The following SLC15A1 variants were observed in gnomAD, a reference collection of about 807,000 sequenced individuals.
SLC15A1 encodes Caco-2 oligopeptide transporter.
A neutral mutation model predicts 92.9 loss-of-function variants in SLC15A1; 83 were observed. That is an observed-to-expected ratio of 0.89 (90% CI 0.75 to 1.07). The LOEUF (loss-of-function observed/expected upper bound fraction) is 1.07, where lower values mean the gene tolerates loss of function less well. SLC15A1 is among the 50% of genes least tolerant of loss of function. The probability of loss-of-function intolerance (pLI) is 0.00; values close to 1 mark genes in which losing one functional copy is unlikely to be tolerated. For synonymous variants in SLC15A1, 322 were observed against 318.2 expected (o/e 1.01, Z -0.13); for missense variants, 857 against 880.1 (o/e 0.97, Z 0.33).
rs1314107165 is a variant in SLC15A1, at chr13:98,686,274, C to A, written c.1851G>T (p.Val617=). 1 of 1,612,318 alleles carries A rather than the reference C, an allele frequency of 6.2e-7. No individual in the cohort carries two copies. Among genetic ancestry groups the A allele is most frequent in the African/African-American group, 1.3e-5 (1 of 75,022 alleles). The change falls in exon 22 of 23, where the codon GTG becomes GTT. Residue 617 remains valine, a synonymous_variant. Transcript: ENST00000376503. ...YSQAPSNMKS[V]LQAGWLLTVA... is the part of the protein sequence containing the mutation. ...CGGTCAGCAGCCATCCTGCCTGAAG[C>A]ACCGACTTCATGTTGGAAGGAGCCT... is the stretch of plus-strand genomic sequence containing the variant.
Position 98,726,368 on chromosome 13 carries a change from C to T in SLC15A1, c.103G>A (p.Ala35Thr). The change falls in exon 3 of 23, where the codon GCA becomes ACA. Residue 35 changes from alanine (A) to threonine (T), a missense_variant and splice_region_variant. Ala to Thr is a moderately conservative substitution (Grantham distance 58). Transcript: ENST00000376503. ...CERFSYYGMR[A>T]ILILYFTNFI... ...GGTGAGAAACGGCCAATACAGTTAC[C>T]TCGCATTCCATAGTAGGAAAATCTT... The T allele has an allele frequency of 6.2e-7, 1 of 1,614,162 alleles. No homozygotes were observed. The highest frequency in any genetic ancestry group is 2.2e-5 in the East Asian group (1 of 44,878).
intron 18 of SLC15A1, among the ~76,000 whole-genome samples, chr13:98,694,995 G>A (rs1389217915): frequency 2.7e-5 from 4 of 147,598 alleles, no homozygotes; most frequent in Non-Finnish European, 6.0e-5. Flanking sequence ...CACTCCAACC[G>A]GGGTGACAGA....
Position 98,723,940 on chromosome 13 carries a change from C to T in SLC15A1, c.337G>A (p.Gly113Ser). Reference protein sequence around the residue: ...INDLTDHNHDGTPDSLPVHVV... With the variant: ...INDLTDHNHDSTPDSLPVHVV... ...TGCACAGGAAGGCTGTCGGGGGTGC[C>T]ATCATGGTTGTGGTCTGTGAGGTCA... Residue 113 changes from glycine to serine, a missense_variant, in exon 5 of 23, where the codon GGC becomes AGC. Physicochemically the swap from Gly to Ser is moderately conservative, Grantham distance 56. Coordinates refer to ENST00000376503, the MANE Select transcript of SLC15A1 (RefSeq NM_005073.4). 6.2e-7 allele frequency: 1 copy of T among 1,614,128 alleles called. No individual in the cohort carries two copies. The highest frequency in any genetic ancestry group is 8.5e-7 in the Non-Finnish European group (1 of 1,180,012).
At chr13:98,748,522 T>G (rs1029718842) in intron 1 of SLC15A1, among the ~76,000 whole-genome samples, 3 of 152,186 alleles carry the variant, frequency 2.0e-5, no homozygotes, top group African/African-American at 7.2e-5. Flanking sequence ...TTCAAACTCC[T>G]GAGCTCAAAT....
Position 98,702,472 on chromosome 13 carries a change from A to G in SLC15A1, c.1466+8T>C, listed in dbSNP as rs2139572976. 6.3e-7 allele frequency: 1 copy of G among 1,595,618 alleles called. No homozygotes were observed. Among genetic ancestry groups the G allele is most frequent in the Non-Finnish European group, 8.6e-7 (1 of 1,163,368 alleles). On this transcript the variant is annotated splice_region_variant and intron_variant, in intron 18 of 22. Transcript: ENST00000376503. The stretch of plus-strand genomic sequence containing the variant: ...GATAAAACTTAAATTTTAAAGAAAT[A>G]TACATACCTGATTCCATTTTCCCCT...
chr13:98,713,716 G>A (rs2088185958), intron 9 of SLC15A1, among the ~76,000 whole-genome samples: 1 of 152,150 alleles, frequency 6.6e-6, no homozygotes, highest in South Asian at 2.1e-4. Context: ...AGCAAGAGGT[G>A]AGGCTGGTGG....
In SLC15A1 at chr13:98,709,559, A is replaced by T. The variant is rs1213792721; in HGVS notation, c.1067+13T>A. ...AAGGGAGCCTCAACCAACCCAACCC[A>T]CCCGTCACCTACGTGAAATTGAAGC... is the stretch of plus-strand genomic sequence containing the variant. On this transcript the variant is annotated intron_variant, in intron 14 of 22. Transcript: ENST00000376503. 1 of 1,612,960 alleles carries T rather than the reference A, an allele frequency of 6.2e-7. No homozygotes were observed. The highest frequency in any genetic ancestry group is 1.3e-5 in the African/African-American group (1 of 74,956).
intron 1 of SLC15A1, among the ~76,000 whole-genome samples, chr13:98,733,229 G>C (rs1386646709): frequency 6.6e-6 from 1 of 152,174 alleles, no homozygotes. Context: ...ACTACAAGAA[G>C]ACACCTGTGT....
At chr13:98,730,501 G>A (rs1478791763) in intron 1 of SLC15A1, among the ~76,000 whole-genome samples, 1 of 152,186 alleles carries the variant, frequency 6.6e-6, no homozygotes, top group Admixed American at 6.5e-5. Context: ...AAGAGCGAGG[G>A]CCATGGAGTC....
chr13:98,691,414 A>G (rs1347382182), intron 18 of SLC15A1, among the ~76,000 whole-genome samples: 2 of 152,208 alleles, frequency 1.3e-5, no homozygotes, highest in African/African-American at 4.8e-5. Context: ...CATTGGATTT[A>G]TTTGTACGCT....
At chr13:98,746,069 CT>C (rs1256911279) in intron 1 of SLC15A1, among the ~76,000 whole-genome samples, 1 of 152,102 alleles carries the variant, frequency 6.6e-6, no homozygotes, top group Non-Finnish European at 1.5e-5. Context: ...TGTTGTTCCC[CT>C]CTGTGTCTTT....
chr13:98,739,988 C>T (rs2088430186), intron 1 of SLC15A1, among the ~76,000 whole-genome samples: 3 of 152,050 alleles, frequency 2.0e-5, no homozygotes, highest in South Asian at 4.2e-4. Flanking sequence ...AAGAAAGAGC[C>T]CCCTCCAGGG....
chr13:98,741,150 T>A (rs1204929322), intron 1 of SLC15A1, among the ~76,000 whole-genome samples: 2 of 152,148 alleles, frequency 1.3e-5, no homozygotes, highest in South Asian at 2.1e-4. Context: ...GCCTGACAAG[T>A]GAGCGAGGGC....
At chr13:98,747,012 C>T (rs567304583) in intron 1 of SLC15A1, among the ~76,000 whole-genome samples, 175 of 152,218 alleles carry the variant, frequency 1.1e-3, no homozygotes, top group African/African-American at 4.1e-3. Flanking sequence ...CCAGAGGGGC[C>T]GAGAGAAGAG....
chr13:98,710,723 G>A (rs551234065), intron 11 of SLC15A1, among the ~76,000 whole-genome samples: 19 of 145,980 alleles, frequency 1.3e-4, no homozygotes, highest in Non-Finnish European at 2.5e-4. Context: ...CAGGAGAATC[G>A]CTTGAACTTG....
chr13:98,738,159 G>A (rs2139606480), intron 1 of SLC15A1, among the ~76,000 whole-genome samples: 1 of 152,276 alleles, frequency 6.6e-6, no homozygotes. Context: ...CTCATAGGTG[G>A]GAGCAAATAA....
At chr13:98,715,657 C>T (rs2297320) in intron 9 of SLC15A1, among the ~76,000 whole-genome samples, 17,054 of 152,174 alleles carry the variant, frequency 0.11, 1,230 homozygotes, top group East Asian at 0.37. Context: ...TTTTCTTTGA[C>T]CATTGATCTT....
Position 98,712,682 on chromosome 13 carries a change from T to A in SLC15A1, c.724-98A>T, listed in dbSNP as rs546707961. On this transcript the variant is annotated intron_variant, in intron 9 of 22. Transcript: ENST00000376503. Reference sequence around the variant, plus strand: ...ACTACCTTTAGGAGAAAAATATACGTGTGAGAAAAGCAAAATATACAATTG... The same window carrying A: ...ACTACCTTTAGGAGAAAAATATACGAGTGAGAAAAGCAAAATATACAATTG... 47 of 836,090 alleles carry A rather than the reference T, an allele frequency of 5.6e-5. No individual in the cohort carries two copies. The African/African-American group carries it at 7.4e-4, about 13-fold the overall frequency. 51.8% of individuals were successfully genotyped at this position (836,090 alleles called of 1,614,324 possible). A position where few individuals can be genotyped will look rare whatever the true frequency, so the allele number is the denominator to read the frequency against.
chr13:98,738,392 C>G (rs1377581834), intron 1 of SLC15A1, among the ~76,000 whole-genome samples: 1 of 152,258 alleles, frequency 6.6e-6, no homozygotes, highest in African/African-American at 2.4e-5. Flanking sequence ...ATTTCAGAGA[C>G]CTTCCTGGCA....
Sources: allele counts gnomAD v4.1 joint callset (sites outside exome capture counted in the v4.1 genomes callset), GRCh38; gene constraint gnomAD v4.1.1; transcripts MANE v1.5; gene names NCBI Gene and HGNC (gene_info 2026-07-23, HGNC 2026-07-21).